The following ZNHIT3 variants were observed in gnomAD, a reference collection of about 807,000 sequenced individuals.
The protein encoded by ZNHIT3 is zinc finger HIT-type containing 3.
A neutral mutation model predicts 19.9 loss-of-function variants in ZNHIT3; 27 were observed. The ratio of observed to expected loss-of-function variants is 1.36; its 90% CI spans 1.00 to 1.87. The LOEUF (loss-of-function observed/expected upper bound fraction) is 1.87. Ranked by LOEUF, ZNHIT3 falls within the 40% of genes most tolerant of loss-of-function variation. The probability of loss-of-function intolerance (pLI) is 0.00; values close to 1 mark genes in which losing one functional copy is unlikely to be tolerated. For missense variants in ZNHIT3, 215 were observed against 185.6 expected, an observed-to-expected ratio of 1.16 and a Z score of -0.92; for synonymous variants, 81 against 65.7, an observed-to-expected ratio of 1.23 and a Z score of -1.13.
At chr17:36,498,702 A>G, downstream of ZNHIT3, 1 of 922,846 alleles carries the variant, frequency 1.1e-6, no homozygotes, top group Non-Finnish European at 1.6e-6. Context: ...GCCCTGAACC[A>G]AACTGGTTCC....
rs1567718204 is a variant in ZNHIT3 at position 36,495,109 on chromosome 17, GCCA to G, written c.287-109_287-107del. On this transcript the variant is annotated intron_variant, in intron 4 of 4. Transcript: ENST00000617429. ...CCAGTTGCTGGTATTACAGGCATGAGCCACCACACCTTGCTGATAGTTTTATTA... is the reference window on the plus strand; with the variant it reads ...CCAGTTGCTGGTATTACAGGCATGAGCCACACCTTGCTGATAGTTTTATTA... 4 of 1,327,632 alleles carry G rather than the reference GCCA, an allele frequency of 3.0e-6. No homozygotes were observed. In the South Asian group the frequency reaches 6.4e-5, roughly 21 times the overall value. 82.2% of individuals were successfully genotyped at this position (1,327,632 alleles called of 1,614,324 possible).
At position 36,486,698 on chromosome 17, in the gene ZNHIT3, C is replaced by T; in HGVS notation, c.-2C>T. 1 of 1,613,880 alleles carries T rather than the reference C, an allele frequency of 6.2e-7. No homozygotes were observed. The highest frequency in any genetic ancestry group is 1.6e-4 in the Middle Eastern group (1 of 6,062). On this transcript the variant is annotated 5_prime_UTR_variant, in exon 1 of 5. Transcript: ENST00000617429. Reference sequence around the variant, plus strand: ...CAGTGAACAGTCTCCTTCCACAAAACCATGGCGTCGCTCAAATGTAGCACC... The same window carrying T: ...CAGTGAACAGTCTCCTTCCACAAAATCATGGCGTCGCTCAAATGTAGCACC...
At chr17:36,492,637 G>A (rs544274488) in intron 2 of ZNHIT3, 176 bp from the exon 3 acceptor site, 15 of 618,950 alleles carry the variant, frequency 2.4e-5, no homozygotes, top group African/African-American at 5.5e-5. Flanking sequence ...GCCTGCTGGC[G>A]GTTTTCCTTA....
At chr17:36,489,519 T>G (rs967968135) in intron 2 of ZNHIT3, 5 of 152,236 alleles carry the variant, frequency 3.3e-5, no homozygotes, top group African/African-American at 9.6e-5. Flanking sequence ...CATTGTGGTC[T>G]TGACTTGCAT....
chr17:36,496,414 GGA>G (rs745758814), downstream of ZNHIT3: 6 of 1,613,732 alleles, frequency 3.7e-6, no homozygotes, highest in South Asian at 4.4e-5. Flanking sequence ...TCCCTAGAGG[GGA>G]GAGAGAGATG....
intron 2 of ZNHIT3, chr17:36,492,557 TG>T (rs2070751121): frequency 6.2e-6 from 3 of 483,838 alleles, no homozygotes; most frequent in Non-Finnish European, 1.1e-5. Flanking sequence ...GTGAGAATTT[TG>T]TAAGATTCGG....
chr17:36,487,835 G>A lies in ZNHIT3; in HGVS notation c.118+869G>A, dbSNP rs142524881. Among the ~76,000 whole-genome samples the A allele has an allele frequency of 2.2e-3, 333 of 151,698 alleles. 2 individuals carry two copies. Among genetic ancestry groups the A allele is most frequent in the African/African-American group, 7.8e-3 (321 of 41,356 alleles). On this transcript the variant is annotated intron_variant, in intron 2 of 4. Coordinates refer to ENST00000617429, the MANE Select transcript of ZNHIT3 (RefSeq NM_004773.4). ...AAGTTTGATGTAGGTGGGGCGCGGTGGGTCACGCCTGTAATCCCAGCACTT... is the reference window on the plus strand; with the variant it reads ...AAGTTTGATGTAGGTGGGGCGCGGTAGGTCACGCCTGTAATCCCAGCACTT...
chr17:36,488,255 T>G (rs1441662852), intron 2 of ZNHIT3, among the ~76,000 whole-genome samples: 1 of 151,872 alleles, frequency 6.6e-6, no homozygotes, highest in Non-Finnish European at 1.5e-5. Flanking sequence ...TAAAACCTAG[T>G]GCATACAGGC....
chr17:36,497,320 G>GAA (rs112241229), downstream of ZNHIT3, among the ~76,000 whole-genome samples: 714 of 132,544 alleles, frequency 5.4e-3, 9 homozygotes, highest in African/African-American at 0.018. Flanking sequence ...TAAATAACAT[G>GAA]AAAAAAAAAA....
intron 4 of ZNHIT3, 74 bp from the exon 5 acceptor site, chr17:36,495,149 G>C: frequency 6.7e-7 from 1 of 1,492,876 alleles, no homozygotes; most frequent in Non-Finnish European, 8.9e-7. Flanking sequence ...ACTTGAAATA[G>C]CTCTTCACTT....
At chr17:36,498,776 C>G (rs1241493115), downstream of ZNHIT3, 3 of 603,294 alleles carry the variant, frequency 5.0e-6, no homozygotes, top group African/African-American at 3.7e-5. Flanking sequence ...TACTTGAAAA[C>G]AAGATAAGAG....
At position 36,495,267 on chromosome 17, in the gene ZNHIT3, A is replaced by G; in HGVS notation, c.331A>G (p.Arg111Gly). 6.2e-7 allele frequency: 1 copy of G among 1,612,004 alleles called. No homozygotes were observed. Among genetic ancestry groups the G allele is most frequent in the South Asian group, 1.1e-5 (1 of 90,650 alleles). ...AAGCTTATTGCTCAATCCACACCTCAGGCAGTTGATGGTCAACCTCGATCA... is the reference window on the plus strand; with the variant it reads ...AAGCTTATTGCTCAATCCACACCTCGGGCAGTTGATGGTCAACCTCGATCA... Reference protein sequence around the residue: ...LRSLLLNPHLRQLMVNLDQGE... With the variant: ...LRSLLLNPHLGQLMVNLDQGE... Residue 111 changes from arginine to glycine, a missense_variant, in exon 5 of 5, where the codon AGG becomes GGG. Physicochemically the swap from Arg to Gly is moderately radical, Grantham distance 125. Transcript: ENST00000617429.
chr17:36,492,732 C>T, intron 2 of ZNHIT3, 81 bp from the exon 3 acceptor site: 1 of 1,275,476 alleles, frequency 7.8e-7, no homozygotes, highest in Admixed American at 1.8e-5. Flanking sequence ...TGCTTCCTAC[C>T]TAGATGCTAC....
In ZNHIT3 at chr17:36,495,620, C is replaced by T. The variant is rs1235204827; in HGVS notation, c.*216C>T. The T allele has an allele frequency of 1.0e-5, 13 of 1,289,208 alleles. No individual in the cohort carries two copies. The highest frequency in any genetic ancestry group is 1.2e-5 in the Non-Finnish European group (12 of 1,021,662). The allele number at this position is 1,289,208 out of a possible 1,614,324, so 79.9% of individuals were successfully genotyped here. A position where few individuals can be genotyped will look rare whatever the true frequency, so the allele number is the denominator to read the frequency against. Reference sequence around the variant, plus strand: ...TGGCAAGTCCTTTATGGAGAGAAAACTTGACATTCAGATGATTGTTTTTAA... The same window carrying T: ...TGGCAAGTCCTTTATGGAGAGAAAATTTGACATTCAGATGATTGTTTTTAA... On this transcript the variant is annotated 3_prime_UTR_variant, in exon 5 of 5. Transcript: ENST00000617429.
chr17:36,487,690 C>T (rs1433672880), intron 2 of ZNHIT3, among the ~76,000 whole-genome samples: 2 of 151,962 alleles, frequency 1.3e-5, no homozygotes, highest in African/African-American at 4.8e-5. Context: ...ACTCAGGAGG[C>T]TGAGGCAGGA....
In ZNHIT3 at chr17:36,492,810, C is replaced by CAG; in HGVS notation, c.119-1_119dup. 6.2e-7 allele frequency: 1 copy of CAG among 1,613,164 alleles called. No individual in the cohort carries two copies. Among genetic ancestry groups the CAG allele is most frequent in the South Asian group, 1.1e-5 (1 of 90,964 alleles). On this transcript the variant is annotated splice_region_variant and splice_polypyrimidine_tract_variant and intron_variant, in intron 2 of 4. Coordinates refer to ENST00000617429, the MANE Select transcript of ZNHIT3 (RefSeq NM_004773.4). Reference sequence around the variant, plus strand: ...GTGGGCCTGGGATTTGTGTCTTTTTCAGAACAGTGCAACCCTGAAACTCGT... The same window carrying CAG: ...GTGGGCCTGGGATTTGTGTCTTTTTCAGAGAACAGTGCAACCCTGAAACTCGT...
chr17:36,488,106 A>T (rs2070626616), intron 2 of ZNHIT3, among the ~76,000 whole-genome samples: 1 of 151,620 alleles, frequency 6.6e-6, no homozygotes, highest in African/African-American at 2.4e-5. Context: ...AAAAAAAAAA[A>T]AAAAAAGCTT....
In ZNHIT3 at chr17:36,495,668, G is replaced by A; in HGVS notation, c.*264G>A. The A allele has an allele frequency of 1.6e-6, 2 of 1,279,996 alleles. No individual in the cohort carries two copies. The highest frequency in any genetic ancestry group is 2.0e-6 in the Non-Finnish European group (2 of 1,016,550). 79.3% of individuals were successfully genotyped at this position (1,279,996 alleles called of 1,614,324 possible). On this transcript the variant is annotated 3_prime_UTR_variant, in exon 5 of 5. Coordinates refer to ENST00000617429, the MANE Select transcript of ZNHIT3 (RefSeq NM_004773.4). ...TAAATGTTTTACTTTTGGTACAGTTGATAGACATCATAAACGATATCAAGC... is the reference window on the plus strand; with the variant it reads ...TAAATGTTTTACTTTTGGTACAGTTAATAGACATCATAAACGATATCAAGC...
chr17:36,496,064 T>C (rs2070938083), downstream of ZNHIT3: 1 of 865,506 alleles, frequency 1.2e-6, no homozygotes, highest in South Asian at 1.8e-5. Context: ...CAGTGCTTGA[T>C]GTAGCCTGGA....
Sources: gnomAD v4.1 joint callset for allele counts (sites outside exome capture counted in the v4.1 genomes callset) on GRCh38, gnomAD v4.1.1 for gene constraint, MANE v1.5 for transcripts, NCBI Gene and HGNC (gene_info 2026-07-23, HGNC 2026-07-21) for gene names.